Variants in CTNNA3 observed in about 807,000 individuals in gnomAD.
The protein encoded by CTNNA3 is catenin alpha-3.
In CTNNA3, 76 loss-of-function variants were observed where a neutral mutation model predicts 95.7. The observed-to-expected ratio is 0.79, with a 90% CI of 0.66 to 0.96. The LOEUF is 0.96. Ranked by LOEUF, CTNNA3 falls within the 40% of genes least tolerant of loss-of-function variation. The probability of loss-of-function intolerance (pLI) is 0.00; values close to 1 mark genes in which losing one functional copy is unlikely to be tolerated. For missense variants in CTNNA3, 1,191 were observed against 1,089.8 expected (o/e 1.09, Z -1.31); for synonymous variants, 431 against 374.4 (o/e 1.15, Z -1.74).
At chr10:67,143,060 T>C (rs1388437713) in intron 7 of CTNNA3, among the ~76,000 whole-genome samples, 1 of 152,070 alleles carries the variant, frequency 6.6e-6, no homozygotes, top group African/African-American at 2.4e-5. Context: ...TGGTGGTTGC[T>C]GAAGGTTAGG....
intron 3 of CTNNA3, among the ~76,000 whole-genome samples, chr10:67,581,967 T>G (rs1164804112): frequency 6.6e-6 from 1 of 152,136 alleles, no homozygotes; most frequent in African/African-American, 2.4e-5. Context: ...TTATTTGTCT[T>G]GATAGCGGTC....
intron 5 of CTNNA3, among the ~76,000 whole-genome samples, chr10:67,306,439 T>C (rs1428128180): frequency 6.6e-6 from 1 of 152,204 alleles, no homozygotes; most frequent in Non-Finnish European, 1.5e-5. Context: ...AAGAGCTCTT[T>C]ATTAATCAAA....
rs1304206723 is a variant in CTNNA3 at position 66,199,067 on chromosome 10, T to C, written c.1884+81403A>G. Among the ~76,000 whole-genome samples, 3 of 152,134 alleles carry C rather than the reference T, an allele frequency of 2.0e-5. 1 individual carries two copies. The East Asian group carries it at 5.8e-4, about 29-fold the overall frequency. On this transcript the variant is annotated intron_variant, in intron 13 of 17. Transcript: ENST00000433211. ...CTTTTTTGCTGAAGAGTTGTTTCCA[T>C]CACGGGAATAATGTTCCTTGATGCT...
intron 5 of CTNNA3, among the ~76,000 whole-genome samples, chr10:67,436,645 A>G (rs1846311286): frequency 6.6e-6 from 1 of 152,176 alleles, no homozygotes; most frequent in Non-Finnish European, 1.5e-5. Flanking sequence ...AAACAATCCC[A>G]TCAAAAAATG....
intron 5 of CTNNA3, among the ~76,000 whole-genome samples, chr10:67,361,620 A>C (rs1297702633): frequency 6.6e-6 from 1 of 152,178 alleles, no homozygotes; most frequent in African/African-American, 2.4e-5. Context: ...ATGCAGCAAA[A>C]GCAGCATTAA....
At chr10:67,205,081 G>C (rs1190153685) in intron 6 of CTNNA3, among the ~76,000 whole-genome samples, 1 of 152,146 alleles carries the variant, frequency 6.6e-6, no homozygotes, top group African/African-American at 2.4e-5. Context: ...TCGTAACCTG[G>C]TGGTCTTTTA....
At chr10:67,308,047 A>C (rs560878465) in intron 5 of CTNNA3, among the ~76,000 whole-genome samples, 2 of 152,202 alleles carry the variant, frequency 1.3e-5, no homozygotes, top group African/African-American at 4.8e-5. Context: ...ACTCTACCCT[A>C]CATGTGTTCT....
At position 66,687,734 on chromosome 10, in the gene CTNNA3, T is replaced by TACAC. The variant is rs56196721; in HGVS notation, c.1282-65954_1282-65951dup. ...ATATATATATACACACACACACACATACACACACACACACACATACCACTT... is the reference window on the plus strand; with the variant it reads ...ATATATATATACACACACACACACATACACACACACACACACACACATACCACTT... On this transcript the variant is annotated intron_variant, in intron 9 of 17. Coordinates refer to ENST00000433211, the MANE Select transcript of CTNNA3 (RefSeq NM_013266.4). 0.017 allele frequency among the ~76,000 whole-genome samples: 2,470 copies of TACAC among 148,884 alleles called. 140 individuals carry two copies. The East Asian group carries it at 0.21, about 13-fold the overall frequency.
chr10:67,578,036 T>A (rs1403395945), intron 3 of CTNNA3, among the ~76,000 whole-genome samples: 1 of 142,636 alleles, frequency 7.0e-6, no homozygotes, highest in Non-Finnish European at 1.5e-5. Context: ...CTTTTAATAA[T>A]AGCCATTCTA....
At chr10:67,005,326 G>A (rs572704081) in intron 7 of CTNNA3, among the ~76,000 whole-genome samples, 2 of 152,132 alleles carry the variant, frequency 1.3e-5, no homozygotes, top group Admixed American at 1.3e-4. Context: ...ATAATTGAAG[G>A]GAGAAAACAC....
At chr10:67,720,272 T>G (rs1458624415) in intron 1 of CTNNA3, among the ~76,000 whole-genome samples, 1 of 151,106 alleles carries the variant, frequency 6.6e-6, no homozygotes, top group Non-Finnish European at 1.5e-5. Context: ...TGGTCTTGAC[T>G]GTTTATCCAA....
At chr10:67,233,700 T>G (rs973522271) in intron 5 of CTNNA3, among the ~76,000 whole-genome samples, 3 of 149,648 alleles carry the variant, frequency 2.0e-5, no homozygotes, top group South Asian at 4.3e-4. Flanking sequence ...AAAAAACCCT[T>G]CAAAAAATTA....
At chr10:67,654,699 T>C (rs945935129) in intron 1 of CTNNA3, among the ~76,000 whole-genome samples, 2 of 152,136 alleles carry the variant, frequency 1.3e-5, no homozygotes, top group Non-Finnish European at 2.9e-5. Context: ...TTAGAATGTG[T>C]CATCTGTTAC....
At chr10:66,962,166 T>G (rs1453635310) in intron 7 of CTNNA3, among the ~76,000 whole-genome samples, 3 of 152,130 alleles carry the variant, frequency 2.0e-5, no homozygotes, top group Admixed American at 6.5e-5. Context: ...AACCCTCTAG[T>G]GACATCCCCC....
chr10:67,637,447 A>G (rs951807140), intron 2 of CTNNA3, among the ~76,000 whole-genome samples: 2 of 152,224 alleles, frequency 1.3e-5, no homozygotes, highest in Non-Finnish European at 1.5e-5. Flanking sequence ...TCTGCAGGAT[A>G]TTATCCAGAA....
At chr10:66,766,138 G>T in intron 9 of CTNNA3, 126 bp downstream of exon 9, 1 of 844,242 alleles carries the variant, frequency 1.2e-6, no homozygotes. Flanking sequence ...ATATTACTTT[G>T]GCCAGACTCT....
At chr10:67,201,036 T>A (rs1160506080) in intron 6 of CTNNA3, among the ~76,000 whole-genome samples, 1 of 152,176 alleles carries the variant, frequency 6.6e-6, no homozygotes, top group Admixed American at 6.6e-5. Flanking sequence ...ATTTATTACA[T>A]TGCTTCATCC....
At chr10:66,129,141 G>A (rs1297240087) in intron 13 of CTNNA3, among the ~76,000 whole-genome samples, 1 of 152,148 alleles carries the variant, frequency 6.6e-6, no homozygotes, top group East Asian at 1.9e-4. Context: ...GCATATGCCT[G>A]TAATCCCAGC....
chr10:66,667,858 T>C (rs1846510722), intron 9 of CTNNA3, among the ~76,000 whole-genome samples: 1 of 152,234 alleles, frequency 6.6e-6, no homozygotes, highest in South Asian at 2.1e-4. Flanking sequence ...GCTCTGTTTG[T>C]TTTCATGGGC....
Sources: gnomAD v4.1 joint callset for allele counts (sites outside exome capture counted in the v4.1 genomes callset) on GRCh38, gnomAD v4.1.1 for gene constraint, MANE v1.5 for transcripts, NCBI Gene and HGNC (gene_info 2026-07-23, HGNC 2026-07-21) for gene names.